INSR: variants seen among roughly 807,000 people sequenced by gnomAD.
The protein encoded by INSR is insulin receptor.
Under a neutral mutation model 142.6 loss-of-function variants are expected in INSR, and 67 were observed. The observed-to-expected ratio is 0.47, with a 90% CI of 0.39 to 0.58. The LOEUF is 0.58. Ranked by LOEUF, INSR falls within the 20% of genes least tolerant of loss-of-function variation. The pLI is 0.00. For missense variants in INSR, 1,248 were observed against 1,833.2 expected (o/e 0.68, Z 5.83); for synonymous variants, 756 against 743.1 (o/e 1.02, Z -0.28).
At chr19:7,215,697 A>G (rs1975412519) in intron 2 of INSR, among the ~76,000 whole-genome samples, 1 of 151,852 alleles carries the variant, frequency 6.6e-6, no homozygotes, top group African/African-American at 2.4e-5. Context: ...TCTCCCGAGT[A>G]GCTTGAATTA....
chr19:7,190,807 A>T (rs915410205), intron 2 of INSR, among the ~76,000 whole-genome samples: 13 of 152,208 alleles, frequency 8.5e-5, no homozygotes, highest in African/African-American at 3.1e-4. Context: ...AATGGTTGCT[A>T]TAATAAGTAA....
At chr19:7,194,508 CTTTTTTTTTT>C (rs35025189) in intron 2 of INSR, among the ~76,000 whole-genome samples, 1 of 73,574 alleles carries the variant, frequency 1.4e-5, no homozygotes, top group African/African-American at 5.6e-5. Context: ...AATAGCTTTG[CTTTTTTTTTT>C]TTTTTTTTTT....
intron 2 of INSR, among the ~76,000 whole-genome samples, chr19:7,205,410 A>T (rs4804094): frequency 0.08 from 12,177 of 152,194 alleles, 670 homozygotes; most frequent in Middle Eastern, 0.12. Context: ...AAACCAGAGC[A>T]CCAAATGCCA....
At chr19:7,144,699 T>C (rs1319111648) in intron 11 of INSR, among the ~76,000 whole-genome samples, 1 of 147,430 alleles carries the variant, frequency 6.8e-6, no homozygotes, top group Non-Finnish European at 1.5e-5. Context: ...CCACCGCACA[T>C]GGCTCTTTTT....
chr19:7,287,793 T>C (rs938826845), intron 1 of INSR, among the ~76,000 whole-genome samples: 2 of 152,202 alleles, frequency 1.3e-5, no homozygotes, highest in African/African-American at 2.4e-5. Context: ...TTAGGCATGC[T>C]ATCATGAATG....
Position 7,267,259 on chromosome 19 carries a change from A to T in INSR, c.652+86T>A. 2 of 1,429,864 alleles carry T rather than the reference A, an allele frequency of 1.4e-6. No homozygotes were observed. Among genetic ancestry groups the T allele is most frequent in the Non-Finnish European group, 2.0e-6 (2 of 1,023,260 alleles). 88.6% of individuals were successfully genotyped at this position (1,429,864 alleles called of 1,614,324 possible). On this transcript the variant is annotated intron_variant, in intron 2 of 21. Transcript: ENST00000302850. The surrounding 1 kb of genome is among the most constrained non-coding windows in gnomAD (Gnocchi z 6.3). ...ATTCCCCGGCCCCTACCTAATGACC[A>T]TTTAACATTTTTAAGCCATAAAACA...
intron 2 of INSR, among the ~76,000 whole-genome samples, chr19:7,200,145 GA>G (rs1167617082): frequency 2.1e-5 from 3 of 145,750 alleles, no homozygotes; most frequent in Non-Finnish European, 4.5e-5. Flanking sequence ...CCCCACAGCA[GA>G]AGCCAAAGAA....
intron 2 of INSR, among the ~76,000 whole-genome samples, chr19:7,229,054 GATGGATGA>G (rs2145120567): frequency 6.6e-6 from 1 of 150,622 alleles, no homozygotes; most frequent in East Asian, 2.0e-4. Context: ...TGGATGTATG[GATGGATGA>G]ATGGATGAGT....
chr19:7,271,451 G>A (rs1967924831), intron 1 of INSR, among the ~76,000 whole-genome samples: 1 of 151,008 alleles, frequency 6.6e-6, no homozygotes, highest in Non-Finnish European at 1.5e-5. Flanking sequence ...AGTGAGCCAA[G>A]ATCACTGCAC....
intron 1 of INSR, among the ~76,000 whole-genome samples, chr19:7,276,651 T>C (rs12984529): frequency 0.51 from 77,063 of 152,084 alleles, 21,481 homozygotes; most frequent in Non-Finnish European, 0.63. Context: ...CCCAGCTCTG[T>C]CACCTGTCAA....
intron 1 of INSR, among the ~76,000 whole-genome samples, chr19:7,277,781 A>C (rs1040421204): frequency 6.6e-6 from 1 of 151,842 alleles, no homozygotes; most frequent in Non-Finnish European, 1.5e-5. Context: ...TGGGTGACAG[A>C]GTGAGACACT....
intron 2 of INSR, among the ~76,000 whole-genome samples, chr19:7,189,474 C>G (rs1974518418): frequency 6.6e-6 from 1 of 152,142 alleles, no homozygotes; most frequent in Non-Finnish European, 1.5e-5. Context: ...ATACTTGAGG[C>G]TTTGCAGGAC....
At chr19:7,259,818 CAAAA>C (rs10532581) in intron 2 of INSR, among the ~76,000 whole-genome samples, 6 of 134,774 alleles carry the variant, frequency 4.5e-5, no homozygotes, top group African/African-American at 7.9e-5. Context: ...GACTCTGTCT[CAAAA>C]AAAAAAAAAA....
intron 3 of INSR, among the ~76,000 whole-genome samples, chr19:7,183,787 G>A (rs750220304): frequency 3.9e-5 from 6 of 152,026 alleles, no homozygotes; most frequent in South Asian, 4.2e-4. Context: ...GACTGGGTGC[G>A]GTGGCTCACA....
At position 7,112,366 on chromosome 19, in the gene INSR, C is replaced by T. The variant is rs1283589593; in HGVS notation, c.*4690G>A. 6.6e-6 allele frequency: 1 copy of T among 152,110 alleles called. No individual in the cohort carries two copies. Among genetic ancestry groups the T allele is most frequent in the African/African-American group, 2.4e-5 (1 of 41,424 alleles). The allele number at this position is 152,110 out of a possible 1,614,324, so 9.4% of individuals were successfully genotyped here. ...AAAAAGGCGTCTTCTGTACATGGTGCTACTTGGCTCTTGTAGGAAAACATT... is the reference window on the plus strand; with the variant it reads ...AAAAAGGCGTCTTCTGTACATGGTGTTACTTGGCTCTTGTAGGAAAACATT... On this transcript the variant is annotated 3_prime_UTR_variant, in exon 22 of 22. Transcript: ENST00000302850.
At position 7,152,900 on chromosome 19, in the gene INSR, G is replaced by A. The variant is rs764741999; in HGVS notation, c.2057C>T (p.Ser686Phe). The stretch of plus-strand genomic sequence containing the variant: ...AGAATCTTCAGACTCGAATGGTGGA[G>A]ACCAGGTCCTCGAGGGCAGCTTCAG... The part of the protein sequence containing the change: ...KGLKLPSRTW[S>F]PPFESEDSQK... Residue 686 changes from serine (S) to phenylalanine (F), a missense_variant, in exon 10 of 22, where the codon TCT (serine) becomes TTT (phenylalanine). Physicochemically the swap from Ser to Phe is radical, Grantham distance 155. Around this residue, in one of 3 missense-constraint regions of INSR, gnomAD observed 1,069 missense variants for 1,654.0 expected, o/e 0.65. Coordinates refer to ENST00000302850, the MANE Select transcript of INSR (RefSeq NM_000208.4). 2.5e-6 allele frequency: 4 copies of A among 1,612,182 alleles called. No individual in the cohort carries two copies. Among genetic ancestry groups the A allele is most frequent in the Non-Finnish European group, 3.4e-6 (4 of 1,179,802 alleles).
At chr19:7,266,191 G>T (rs761826107) in intron 2 of INSR, among the ~76,000 whole-genome samples, 3 of 152,026 alleles carry the variant, frequency 2.0e-5, no homozygotes, top group Non-Finnish European at 4.4e-5. Flanking sequence ...GCTGGCCAAG[G>T]TGTTCCCTCT....
intron 2 of INSR, among the ~76,000 whole-genome samples, chr19:7,208,768 G>A (rs1351779727): frequency 6.6e-6 from 1 of 152,176 alleles, no homozygotes; most frequent in Admixed American, 6.6e-5. Context: ...CACTTTGGGA[G>A]GCCGAAGTGG....
intron 2 of INSR, among the ~76,000 whole-genome samples, chr19:7,221,752 A>G (rs1221075136): frequency 6.6e-6 from 1 of 151,620 alleles, no homozygotes; most frequent in African/African-American, 2.4e-5. Flanking sequence ...TAAAGTTTGC[A>G]TGGACTCTGG....
Sources: gnomAD v4.1 joint callset for allele counts (sites outside exome capture counted in the v4.1 genomes callset) on GRCh38, gnomAD v4.1.1 for gene constraint, gnomAD v4.1.1 regional missense constraint, Gnocchi (gnomAD v3.1) non-coding constraint, MANE v1.5 for transcripts, NCBI Gene and HGNC (gene_info 2026-07-23, HGNC 2026-07-21) for gene names.